ANGPT2: variants seen among roughly 807,000 people sequenced by gnomAD.
ANGPT2 encodes angiopoietin-2.
Under a neutral mutation model 62.9 loss-of-function variants are expected in ANGPT2, and 28 were observed. The observed-to-expected ratio is 0.44, with a 90% CI of 0.33 to 0.61. The LOEUF (loss-of-function observed/expected upper bound fraction) is 0.61. ANGPT2 is among the 20% of genes least tolerant of loss of function. The pLI, the probability that ANGPT2 is intolerant of heterozygous loss-of-function variation, is 0.03. For synonymous variants in ANGPT2, 284 were observed against 207.8 expected (o/e 1.37, Z -3.15); for missense variants, 727 against 594.9 (o/e 1.22, Z -2.31).
intron 7 of ANGPT2, among the ~76,000 whole-genome samples, chr8:6,511,068 C>T (rs1384264138): frequency 6.6e-6 from 1 of 152,202 alleles, no homozygotes; most frequent in South Asian, 2.1e-4. Flanking sequence ...TTTTAACTCT[C>T]TCTTGTCTCC....
intron 1 of ANGPT2, among the ~76,000 whole-genome samples, chr8:6,555,384 T>C (rs1824415039): frequency 6.6e-6 from 1 of 152,166 alleles, no homozygotes; most frequent in Non-Finnish European, 1.5e-5. Flanking sequence ...GGGCTGTAAC[T>C]AGATGTATGG....
At chr8:6,534,558 C>G (rs1336618753) in intron 1 of ANGPT2, among the ~76,000 whole-genome samples, 3 of 152,170 alleles carry the variant, frequency 2.0e-5, no homozygotes, top group African/African-American at 7.2e-5. Context: ...CGTGAGCCAG[C>G]ACATCTGGCT....
intron 3 of ANGPT2, among the ~76,000 whole-genome samples, chr8:6,521,687 G>T (rs779317612): frequency 8.5e-5 from 13 of 152,172 alleles, no homozygotes; most frequent in Non-Finnish European, 1.6e-4. Flanking sequence ...GGATAGGTGG[G>T]ATATGGGTGT....
At chr8:6,554,673 T>G (rs1337877726) in intron 1 of ANGPT2, among the ~76,000 whole-genome samples, 1 of 152,158 alleles carries the variant, frequency 6.6e-6, no homozygotes, top group East Asian at 1.9e-4. Context: ...CCAAAAATAA[T>G]TCACAGACAT....
intron 1 of ANGPT2, among the ~76,000 whole-genome samples, chr8:6,547,004 G>C (rs1189082799): frequency 6.6e-6 from 1 of 152,080 alleles, no homozygotes; most frequent in African/African-American, 2.4e-5. Flanking sequence ...TTATAACCAC[G>C]GTGTACCTCG....
intron 4 of ANGPT2, 115 bp from the exon 5 acceptor site, chr8:6,520,106 A>G (rs1302250946): frequency 4.1e-6 from 5 of 1,211,988 alleles, no homozygotes; most frequent in Admixed American, 2.3e-5. Context: ...TTAAGTAAGC[A>G]AAAGGCTGTA....
At chr8:6,535,494 G>A (rs1820314664) in intron 1 of ANGPT2, among the ~76,000 whole-genome samples, 3 of 152,166 alleles carry the variant, frequency 2.0e-5, no homozygotes, top group Admixed American at 6.5e-5. Context: ...GGTTCACAGT[G>A]GGTGAGCTAA....
Position 6,514,748 on chromosome 8 carries a change from CG to C in ANGPT2, c.957del (p.Trp321GlyfsTer42). The C allele has an allele frequency of 6.2e-7, 1 of 1,613,996 alleles. No individual in the cohort carries two copies. Among genetic ancestry groups the C allele is most frequent in the Non-Finnish European group, 8.5e-7 (1 of 1,179,984 alleles). On this transcript the variant is annotated frameshift_variant, in exon 6 of 9. Transcript: ENST00000629816. LOFTEE classifies it high-confidence loss of function. Reference protein sequence around the residue: ...KAYCDMEAGGGGWTIIQRRED... With the variant: ...KAYCDMEAGGXGWTIIQRRED... Reference sequence around the variant, plus strand: ...TCACGTCGCTGAATAATTGTCCACCCGCCTCCTCCAGCTTCCATGTCACAGT... The same window carrying C: ...TCACGTCGCTGAATAATTGTCCACCCCCTCCTCCAGCTTCCATGTCACAGT...
intron 5 of ANGPT2, among the ~76,000 whole-genome samples, chr8:6,519,266 C>T (rs985911489): frequency 3.3e-5 from 5 of 152,098 alleles, no homozygotes; most frequent in African/African-American, 4.8e-5. Context: ...ACTGTTTTCA[C>T]GATGCTAAGA....
At chr8:6,558,030 C>T (rs374551878) in intron 1 of ANGPT2, among the ~76,000 whole-genome samples, 6 of 152,154 alleles carry the variant, frequency 3.9e-5, no homozygotes, top group African/African-American at 1.2e-4. Flanking sequence ...CTGCCCCTGC[C>T]CCCACACGCA....
At chr8:6,546,902 G>A (rs1157878215) in intron 1 of ANGPT2, among the ~76,000 whole-genome samples, 10 of 152,066 alleles carry the variant, frequency 6.6e-5, no homozygotes, top group African/African-American at 1.2e-4. Flanking sequence ...GTACCCTTCC[G>A]TGTTTTCCTA....
At chr8:6,512,250 G>T (rs1815294653) in intron 7 of ANGPT2, among the ~76,000 whole-genome samples, 2 of 152,158 alleles carry the variant, frequency 1.3e-5, no homozygotes, top group African/African-American at 2.4e-5. Context: ...AGAGTTTTCA[G>T]TTGGTTGTTC....
At chr8:6,545,412 T>C (rs188914128) in intron 1 of ANGPT2, among the ~76,000 whole-genome samples, 2 of 152,370 alleles carry the variant, frequency 1.3e-5, no homozygotes, top group African/African-American at 4.8e-5. Flanking sequence ...CAAGTTTTGT[T>C]GTGACACTAT....
chr8:6,555,347 C>T (rs10217046), intron 1 of ANGPT2, among the ~76,000 whole-genome samples: 4,804 of 152,224 alleles, frequency 0.032, 163 homozygotes, highest in African/African-American at 0.082. Context: ...TGAAATCCAG[C>T]GTTTCCCCCT....
chr8:6,520,582 G>C (rs1428887388), intron 4 of ANGPT2, among the ~76,000 whole-genome samples: 1 of 152,100 alleles, frequency 6.6e-6, no homozygotes, highest in Non-Finnish European at 1.5e-5. Context: ...TTTTAGTAGA[G>C]ACAGGATTTC....
intron 1 of ANGPT2, among the ~76,000 whole-genome samples, chr8:6,561,682 G>A (rs1170966941): frequency 2.6e-5 from 4 of 152,148 alleles, no homozygotes; most frequent in African/African-American, 9.7e-5. Flanking sequence ...ATTAATTTAT[G>A]CATTTTGTTT....
intron 1 of ANGPT2, among the ~76,000 whole-genome samples, chr8:6,539,390 G>A (rs995950981): frequency 1.3e-5 from 2 of 152,148 alleles, no homozygotes; most frequent in South Asian, 4.1e-4. Flanking sequence ...AGAAGTTGAG[G>A]CAAAAGCTAA....
At chr8:6,504,417 C>G (rs1247633207) in intron 8 of ANGPT2, among the ~76,000 whole-genome samples, 1 of 151,424 alleles carries the variant, frequency 6.6e-6, no homozygotes, top group East Asian at 1.9e-4. Flanking sequence ...CCTCCCAGAA[C>G]ATGAATAATC....
At chr8:6,504,315 C>G (rs1453691058) in intron 8 of ANGPT2, among the ~76,000 whole-genome samples, 1 of 46,620 alleles carries the variant, frequency 2.1e-5, no homozygotes, top group Admixed American at 2.5e-4. Context: ...GAGACTCCAG[C>G]TCAAAAAAAA....
Sources: allele counts gnomAD v4.1 joint callset (sites outside exome capture counted in the v4.1 genomes callset), GRCh38; gene constraint gnomAD v4.1.1; transcripts MANE v1.5; gene names NCBI Gene and HGNC (gene_info 2026-07-23, HGNC 2026-07-21).